The following S100Z variants were observed in gnomAD, a reference collection of about 807,000 sequenced individuals.
The protein encoded by S100Z is protein S100-Z.
Under a neutral mutation model 8.5 loss-of-function variants are expected in S100Z, and 11 were observed. That is an observed-to-expected ratio of 1.30 (90% CI 0.82 to 2.15). The LOEUF is 2.15. Among genes scored for constraint, S100Z ranks in the 30% most tolerant of loss-of-function variants. The pLI, the probability that S100Z is intolerant of heterozygous loss-of-function variation, is 0.00. For synonymous variants in S100Z, 34 were observed against 43.8 expected, an observed-to-expected ratio of 0.78 and a Z score of 0.89; for missense variants, 126 against 117.9, an observed-to-expected ratio of 1.07 and a Z score of -0.32.
At chr5:76,894,157 C>G (rs1006544496) in intron 4 of S100Z, among the ~76,000 whole-genome samples, 1 of 152,202 alleles carries the variant, frequency 6.6e-6, no homozygotes, top group African/African-American at 2.4e-5. Flanking sequence ...AAAGCTTCAT[C>G]TGCATAGTAA....
chr5:76,915,229 T>A (rs1744815533), intron 4 of S100Z, among the ~76,000 whole-genome samples: 1 of 143,550 alleles, frequency 7.0e-6, no homozygotes, highest in Admixed American at 7.3e-5. Flanking sequence ...TGCGTAAACC[T>A]GGGAGGCGGA....
At chr5:76,878,016 A>G (rs1330752112) in intron 4 of S100Z, 182 bp downstream of exon 4, 1 of 394,348 alleles carries the variant, frequency 2.5e-6, no homozygotes, top group African/African-American at 2.0e-5. Flanking sequence ...CTTTATGTAG[A>G]TATTCTAAAT....
chr5:76,887,499 A>G (rs921867632), intron 4 of S100Z, among the ~76,000 whole-genome samples: 2 of 147,680 alleles, frequency 1.4e-5, no homozygotes, highest in Non-Finnish European at 3.0e-5. Flanking sequence ...TCCCAGGTTC[A>G]AGCAATTCTC....
At chr5:76,948,771 C>T in the S100Z span, 9 of 152,206 alleles carry the variant, frequency 5.9e-5, no homozygotes, top group East Asian at 1.7e-3. Flanking sequence ...GGACTTTCCT[C>T]AAAAAATTAA....
intron 1 of S100Z, among the ~76,000 whole-genome samples, chr5:76,867,325 C>G (rs1018555066): frequency 6.6e-6 from 1 of 152,124 alleles, no homozygotes; most frequent in Non-Finnish European, 1.5e-5. Context: ...AAGACAAAAA[C>G]TGGAGAGTTT....
the S100Z span, among the ~76,000 whole-genome samples, chr5:76,936,013 G>T: frequency 6.6e-6 from 1 of 152,114 alleles, no homozygotes; most frequent in Non-Finnish European, 1.5e-5. Context: ...CTGATCTCAG[G>T]TGATCTGCCC....
chr5:76,926,700 AAG>A, the S100Z span, among the ~76,000 whole-genome samples: 3 of 152,232 alleles, frequency 2.0e-5, no homozygotes, highest in Non-Finnish European at 4.4e-5. Flanking sequence ...TGAGAAAGCA[AAG>A]AGGGGATCTG....
At position 76,913,433 on chromosome 5, in the gene S100Z, C is replaced by T. The variant is rs74786546; in HGVS notation, c.*3-7284C>T. The stretch of plus-strand genomic sequence containing the variant: ...CTAATGATATGTCTGCTCAAACCTG[C>T]GAGCTGTTTGCACTCAGACAAACAG... On this transcript the variant is annotated intron_variant, in intron 4 of 4. Transcript: ENST00000317593. Among the ~76,000 whole-genome samples, 271 of 152,298 alleles carry T rather than the reference C, an allele frequency of 1.8e-3. 8 individuals are homozygous for T. The East Asian group carries it at 0.044, about 24-fold the overall frequency.
chr5:76,894,070 T>C (rs1202691261), intron 4 of S100Z, among the ~76,000 whole-genome samples: 17 of 152,200 alleles, frequency 1.1e-4, no homozygotes, highest in Non-Finnish European at 4.4e-5. Context: ...TGTACCTCTT[T>C]GGCATTAATA....
intron 4 of S100Z, among the ~76,000 whole-genome samples, chr5:76,907,886 T>G (rs981940482): frequency 6.6e-6 from 1 of 152,164 alleles, no homozygotes; most frequent in African/African-American, 2.4e-5. Flanking sequence ...CCTAGCAGTT[T>G]GGGAGGCCAA....
At chr5:76,944,072 C>T in the S100Z span, among the ~76,000 whole-genome samples, 1 of 152,084 alleles carries the variant, frequency 6.6e-6, no homozygotes, top group Admixed American at 6.5e-5. Flanking sequence ...TCACCCTATC[C>T]CGGCCCCATC....
chr5:76,862,261 G>A (rs756232691), intron 1 of S100Z, among the ~76,000 whole-genome samples: 1 of 152,068 alleles, frequency 6.6e-6, no homozygotes, highest in African/African-American at 2.4e-5. Context: ...GGTAATGAAG[G>A]GTTGGGGCAT....
intron 2 of S100Z, among the ~76,000 whole-genome samples, chr5:76,870,727 G>C (rs757281231): frequency 4.6e-5 from 7 of 152,036 alleles, no homozygotes; most frequent in Admixed American, 1.3e-4. Flanking sequence ...AGACAGATCT[G>C]GGCCAAGAAA....
chr5:76,856,904 G>A (rs1444291732), intron 1 of S100Z, among the ~76,000 whole-genome samples: 3 of 152,172 alleles, frequency 2.0e-5, no homozygotes, highest in African/African-American at 7.2e-5. Flanking sequence ...TCTGGAGAAG[G>A]CTCACATCCA....
At chr5:76,906,069 A>G (rs1180518031) in intron 4 of S100Z, among the ~76,000 whole-genome samples, 2 of 152,186 alleles carry the variant, frequency 1.3e-5, no homozygotes, top group Admixed American at 6.5e-5. Context: ...GGCTCAAGCA[A>G]TTCCCCTGCC....
At chr5:76,950,037 A>G in the S100Z span, among the ~76,000 whole-genome samples, 1 of 152,302 alleles carries the variant, frequency 6.6e-6, no homozygotes, top group East Asian at 1.9e-4. Context: ...ATGGAAAACT[A>G]TTTGGTGGTT....
intron 4 of S100Z, among the ~76,000 whole-genome samples, chr5:76,891,952 G>A (rs17749734): frequency 0.025 from 3,820 of 152,194 alleles, 151 homozygotes; most frequent in East Asian, 0.12. Context: ...CTGCATCAGA[G>A]CCAACTAAGG....
chr5:76,868,567 T>C (rs1220987019), intron 1 of S100Z, among the ~76,000 whole-genome samples: 5 of 151,956 alleles, frequency 3.3e-5, no homozygotes, highest in African/African-American at 1.2e-4. Context: ...TTAGTGCATC[T>C]ATAACTTCAA....
At chr5:76,906,163 T>G (rs148756231) in intron 4 of S100Z, among the ~76,000 whole-genome samples, 1 of 152,328 alleles carries the variant, frequency 6.6e-6, no homozygotes, top group African/African-American at 2.4e-5. Context: ...TTATTCTTTA[T>G]TAAGGTATAA....
Sources: gnomAD v4.1 joint callset for allele counts (sites outside exome capture counted in the v4.1 genomes callset) on GRCh38, gnomAD v4.1.1 for gene constraint, MANE v1.5 for transcripts, NCBI Gene and HGNC (gene_info 2026-07-23, HGNC 2026-07-21) for gene names.